Variants in NPC1 observed in about 807,000 individuals in gnomAD.
The protein encoded by NPC1 is NPC intracellular cholesterol transporter 1.
Under a neutral mutation model 140.4 loss-of-function variants are expected in NPC1, and 85 were observed. That is an observed-to-expected ratio of 0.61 (90% CI 0.51 to 0.72). The LOEUF (loss-of-function observed/expected upper bound fraction) is 0.72. NPC1 is among the 30% of genes least tolerant of loss of function. The pLI is 0.00. For synonymous variants in NPC1, 656 were observed against 624.8 expected, an observed-to-expected ratio of 1.05 and a Z score of -0.74; for missense variants, 1,504 against 1,623.8, an observed-to-expected ratio of 0.93 and a Z score of 1.27.
downstream of NPC1, chr18:23,529,093 A>C (rs980265862): frequency 6.5e-7 from 1 of 1,528,424 alleles, no homozygotes; most frequent in Non-Finnish European, 8.8e-7. Flanking sequence ...GTCCACATCG[A>C]AGAATTCAGT....
At chr18:23,516,199 G>A in intron 3 of NPC1, 1 of 1,352,552 alleles carries the variant, frequency 7.4e-7, no homozygotes, top group Non-Finnish European at 1.0e-6. Flanking sequence ...GAGGACATGG[G>A]GGACGGTGGA....
chr18:23,524,918 G>A (rs917910025), downstream of NPC1, among the ~76,000 whole-genome samples: 25 of 148,604 alleles, frequency 1.7e-4, no homozygotes, highest in Admixed American at 6.0e-4. Context: ...TCTCTTCCTG[G>A]GTAATCTCTT....
At chr18:23,519,136 G>A, downstream of NPC1, 1 of 1,614,190 alleles carries the variant, frequency 6.2e-7, no homozygotes, top group Non-Finnish European at 8.5e-7. Context: ...CCTGAACGTG[G>A]TGGACAACCT....
At chr18:23,549,651 TA>T (rs2058838628) in intron 10 of NPC1, among the ~76,000 whole-genome samples, 1 of 147,402 alleles carries the variant, frequency 6.8e-6, no homozygotes, top group Admixed American at 6.8e-5. Context: ...AAAAATAAAA[TA>T]AAAACCTTTT....
At chr18:23,524,935 A>G (rs2058249707), downstream of NPC1, among the ~76,000 whole-genome samples, 1 of 136,954 alleles carries the variant, frequency 7.3e-6, no homozygotes, top group Non-Finnish European at 1.5e-5. Flanking sequence ...TCTTTATTAG[A>G]GAAATCTTTT....
chr18:23,550,521 G>A (rs1468480483), intron 10 of NPC1, among the ~76,000 whole-genome samples: 2 of 89,136 alleles, frequency 2.2e-5, no homozygotes, highest in East Asian at 3.8e-4. Flanking sequence ...TCACTCTGTC[G>A]CCCAGGCTGG....
intron 6 of NPC1, among the ~76,000 whole-genome samples, chr18:23,558,290 G>GA (rs2058983822): frequency 6.6e-6 from 1 of 152,124 alleles, no homozygotes. Context: ...TCACAGTGGA[G>GA]ATAGCCAGCA....
At chr18:23,547,720 C>CA (rs2058809003) in intron 11 of NPC1, among the ~76,000 whole-genome samples, 1 of 152,072 alleles carries the variant, frequency 6.6e-6, no homozygotes, top group Non-Finnish European at 1.5e-5. Context: ...CCAGCCTGGG[C>CA]AAAAGTGAAC....
chr18:23,521,695 C>T (rs7359706), downstream of NPC1, among the ~76,000 whole-genome samples: 2,342 of 77,894 alleles, frequency 0.03, 54 homozygotes, highest in African/African-American at 0.077. Flanking sequence ...CACTCTCTCT[C>T]TTTTTTTTTT....
downstream of NPC1, chr18:23,527,768 C>G (rs373100278): frequency 7.0e-6 from 11 of 1,581,120 alleles, no homozygotes; most frequent in African/African-American, 9.4e-5. Context: ...TTGGTTTGAT[C>G]CGTGTGTGAA....
Position 23,568,908 on chromosome 18 carries a change from A to C in NPC1, c.378T>G (p.Thr126=). Residue 126 remains threonine (T), a synonymous_variant, in exon 4 of 25, where the codon ACT becomes ACG. Coordinates refer to ENST00000269228, the MANE Select transcript of NPC1 (RefSeq NM_000271.5). ...RQSQFLNVTA[T]EDYVDPVTNQ... ...TTGTAACAGGATCAACATAATCTTCAGTAGCTGTAACATTCAAAAACTGAC... is the reference window on the plus strand; with the variant it reads ...TTGTAACAGGATCAACATAATCTTCCGTAGCTGTAACATTCAAAAACTGAC... 6.2e-7 allele frequency: 1 copy of C among 1,613,780 alleles called. No homozygotes were observed. The highest frequency in any genetic ancestry group is 8.5e-7 in the Non-Finnish European group (1 of 1,179,638).
At chr18:23,519,255 C>T (rs1356257936), downstream of NPC1, 17 of 1,251,800 alleles carry the variant, frequency 1.4e-5, no homozygotes, top group South Asian at 2.5e-5. Context: ...CGGTGGATCA[C>T]GCCTGTAATC....
At position 23,538,646 on chromosome 18, in the gene NPC1, G is replaced by A. The variant is rs199900435; in HGVS notation, c.2937C>T (p.Cys979=). 1.2e-6 allele frequency: 2 copies of A among 1,614,124 alleles called. No individual in the cohort carries two copies. The highest frequency in any genetic ancestry group is 1.3e-5 in the African/African-American group (1 of 75,060). ...GTTTGCCTTCCGGAGTCAGAGGCCT[G>A]CAGCGAACGCAGGCAGGGTCAACCA... ...ASVVDPACVR[C]RPLTPEGKQR... The change falls in exon 20 of 25, where the codon TGC becomes TGT. Residue 979 remains cysteine, a synonymous_variant. Transcript: ENST00000269228.
At chr18:23,530,278 T>C (rs749424259), downstream of NPC1, 1 of 1,614,250 alleles carries the variant, frequency 6.2e-7, no homozygotes, top group Non-Finnish European at 8.5e-7. Context: ...GCTCATCAGC[T>C]ATCTCTGGAC....
downstream of NPC1, among the ~76,000 whole-genome samples, chr18:23,518,321 T>C (rs1489082517): frequency 3.3e-5 from 5 of 152,068 alleles, no homozygotes; most frequent in Non-Finnish European, 7.4e-5. Flanking sequence ...TGAGACCCTG[T>C]TTCTACAAAA....
At chr18:23,546,924 G>A (rs1010300181) in intron 11 of NPC1, among the ~76,000 whole-genome samples, 4 of 152,150 alleles carry the variant, frequency 2.6e-5, no homozygotes, top group Non-Finnish European at 5.9e-5. Flanking sequence ...CTGTGGTGAT[G>A]GCTGCACATA....
chr18:23,521,272 C>A (rs548142642), downstream of NPC1, among the ~76,000 whole-genome samples: 44 of 152,326 alleles, frequency 2.9e-4, no homozygotes, highest in Non-Finnish European at 5.3e-4. Context: ...AATAATTTAT[C>A]TTCCCTGAGC....
chr18:23,531,984 A>G lies in NPC1; in HGVS notation c.*218T>C. ...GTTTCTTTCCTGAAGAGGCTGGGAG[A>G]AGTTTAGTGTCCTGTGGTTGCCTCC... is the stretch of plus-strand genomic sequence containing the variant. On this transcript the variant is annotated 3_prime_UTR_variant, in exon 25 of 25. Transcript: ENST00000269228. 4 of 1,456,492 alleles carry G rather than the reference A, an allele frequency of 2.7e-6. No individual in the cohort carries two copies. Among genetic ancestry groups the G allele is most frequent in the Non-Finnish European group, 3.6e-6 (4 of 1,111,376 alleles). The allele number at this position is 1,456,492 out of a possible 1,614,324, so 90.2% of individuals were successfully genotyped here.
chr18:23,577,386 C>A (rs1321792117), intron 1 of NPC1, among the ~76,000 whole-genome samples: 2 of 150,182 alleles, frequency 1.3e-5, no homozygotes, highest in Non-Finnish European at 3.0e-5. Flanking sequence ...TATTTACAAT[C>A]CTTGAGCTAG....
Sources: allele counts gnomAD v4.1 joint callset (sites outside exome capture counted in the v4.1 genomes callset), GRCh38; gene constraint gnomAD v4.1.1; transcripts MANE v1.5; gene names NCBI Gene and HGNC (gene_info 2026-07-23, HGNC 2026-07-21).